The following CENPP variants were observed in gnomAD, a reference collection of about 807,000 sequenced individuals.
CENPP encodes the protein centromere protein P.
A neutral mutation model predicts 35.6 loss-of-function variants in CENPP; 24 were observed. The ratio of observed to expected loss-of-function variants is 0.67; its 90% CI spans 0.49 to 0.95. The LOEUF (loss-of-function observed/expected upper bound fraction) is 0.95, where lower values mean the gene tolerates loss of function less well. Among genes scored for constraint, CENPP ranks in the 40% least tolerant of loss-of-function variants. The pLI is 0.00. For synonymous variants in CENPP, 120 were observed against 125.5 expected, an observed-to-expected ratio of 0.96 and a Z score of 0.29; for missense variants, 332 against 345.3, an observed-to-expected ratio of 0.96 and a Z score of 0.31.
chr9:92,584,497 C>T (rs899196859), intron 5 of CENPP, among the ~76,000 whole-genome samples: 7 of 152,142 alleles, frequency 4.6e-5, no homozygotes, highest in African/African-American at 1.4e-4. Context: ...TACAGGTATG[C>T]GTCACCATGC....
At chr9:92,522,839 A>G (rs548855269) in intron 5 of CENPP, 25 of 1,608,472 alleles carry the variant, frequency 1.6e-5, no homozygotes, top group African/African-American at 1.3e-5. Context: ...ATAAGCAGAA[A>G]AAAACAAAAC....
intron 3 of CENPP, chr9:92,340,558 C>T (rs185919873): frequency 6.5e-6 from 1 of 152,876 alleles, no homozygotes; most frequent in Admixed American, 6.5e-5. Flanking sequence ...TGGCTGAAGC[C>T]ATGGCAGAAG....
chr9:92,591,243 C>A (rs1406577946), intron 5 of CENPP, among the ~76,000 whole-genome samples: 6 of 151,986 alleles, frequency 3.9e-5, no homozygotes, highest in Non-Finnish European at 8.8e-5. Flanking sequence ...AACGGTGAAA[C>A]CCCGCCTCTA....
At chr9:92,430,961 A>C (rs1039886505) in intron 5 of CENPP, among the ~76,000 whole-genome samples, 12 of 151,790 alleles carry the variant, frequency 7.9e-5, no homozygotes, top group African/African-American at 2.7e-4. Context: ...ACTCCCAGCT[A>C]ATTTTTGTAT....
chr9:92,489,129 ACAGT>A (rs1220776626), intron 5 of CENPP, among the ~76,000 whole-genome samples: 3 of 152,244 alleles, frequency 2.0e-5, no homozygotes, highest in Non-Finnish European at 4.4e-5. Context: ...AGCCGGGCTT[ACAGT>A]CTCGAATGCT....
At chr9:92,416,058 G>GTA (rs1554760078) in intron 5 of CENPP, among the ~76,000 whole-genome samples, 11,964 of 130,838 alleles carry the variant, frequency 0.091, 692 homozygotes, top group Middle Eastern at 0.14. Context: ...ATATATGTGT[G>GTA]TATATATATA....
rs1554688240 is a variant in CENPP at position 92,567,373 on chromosome 9, G to GATATATATATATATATATAGAT, written c.565-43922_565-43921insGATATATATATATATATATATA. Among the ~76,000 whole-genome samples the GATATATATATATATATATAGAT allele has an allele frequency of 3.9e-5, 5 of 129,086 alleles. No homozygotes were observed. In the East Asian group the frequency reaches 1.3e-3, roughly 33 times the overall value. The allele number at this position is 129,086 out of a possible 152,430, so 84.7% of individuals were successfully genotyped here. Reference sequence around the variant, plus strand: ...ATGGGGTATACAGTTACATAAGATAGATATATATATATATATATATATAGA... The same window carrying GATATATATATATATATATAGAT: ...ATGGGGTATACAGTTACATAAGATAGATATATATATATATATATAGATATATATATATATATATATATATAGA... On this transcript the variant is annotated intron_variant, in intron 5 of 7. Coordinates refer to ENST00000375587, the MANE Select transcript of CENPP (RefSeq NM_001012267.3).
chr9:92,575,721 A>G (rs1850265060), intron 5 of CENPP, among the ~76,000 whole-genome samples: 2 of 152,062 alleles, frequency 1.3e-5, no homozygotes, highest in Non-Finnish European at 2.9e-5. Flanking sequence ...TTGAGACAGG[A>G]GAATTGCGTG....
intron 5 of CENPP, among the ~76,000 whole-genome samples, chr9:92,390,770 C>T (rs1310701907): frequency 6.6e-6 from 1 of 152,160 alleles, no homozygotes; most frequent in Non-Finnish European, 1.5e-5. Flanking sequence ...CACACATTTC[C>T]ATCAACTATT....
chr9:92,494,534 T>C (rs1447233083), intron 5 of CENPP, among the ~76,000 whole-genome samples: 1 of 152,218 alleles, frequency 6.6e-6, no homozygotes, highest in Non-Finnish European at 1.5e-5. Context: ...AGTCTAACAG[T>C]TATCTTCATA....
rs545748225 is a variant in CENPP at position 92,513,595 on chromosome 9, A to T, written c.565-97719A>T. On this transcript the variant is annotated intron_variant, in intron 5 of 7. Coordinates refer to ENST00000375587, the MANE Select transcript of CENPP (RefSeq NM_001012267.3). ...CCCTGCCCCATCCACATGATGGAAC[A>T]CTACTTGGCAGAAGAGAGGAATGAA... Among the ~76,000 whole-genome samples the T allele has an allele frequency of 1.3e-3, 192 of 152,318 alleles. 1 individual carries two copies. Among genetic ancestry groups the T allele is most frequent in the Non-Finnish European group, 1.9e-3 (126 of 68,028 alleles).
intron 5 of CENPP, among the ~76,000 whole-genome samples, chr9:92,499,195 T>C (rs10992355): frequency 0.058 from 8,820 of 152,238 alleles, 918 homozygotes; most frequent in East Asian, 0.44. Flanking sequence ...ACTGCTTACA[T>C]GAAAGCCTAA....
intron 5 of CENPP, among the ~76,000 whole-genome samples, chr9:92,383,474 AAT>A (rs1241382144): frequency 1.3e-5 from 2 of 152,160 alleles, no homozygotes; most frequent in African/African-American, 2.4e-5. Context: ...TTTTTTCAGC[AAT>A]GTTAGTAAAA....
intron 5 of CENPP, among the ~76,000 whole-genome samples, chr9:92,392,617 G>A (rs1351225865): frequency 6.6e-6 from 1 of 151,198 alleles, no homozygotes; most frequent in Non-Finnish European, 1.5e-5. Flanking sequence ...TCCATGTCGG[G>A]TTGGGGGGAG....
intron 5 of CENPP, chr9:92,416,891 C>G (rs1843630788): frequency 6.2e-7 from 1 of 1,613,884 alleles, no homozygotes; most frequent in Admixed American, 1.7e-5. Context: ...TGATTCTAAT[C>G]TGTTACTGCA....
chr9:92,355,150 A>G (rs765456475), intron 4 of CENPP, among the ~76,000 whole-genome samples: 6 of 152,176 alleles, frequency 3.9e-5, no homozygotes, highest in Admixed American at 1.3e-4. Context: ...TCTGGCCACA[A>G]ATTTACCAGG....
intron 3 of CENPP, among the ~76,000 whole-genome samples, chr9:92,342,742 C>G (rs1841161903): frequency 6.6e-6 from 1 of 152,164 alleles, no homozygotes; most frequent in Non-Finnish European, 1.5e-5. Flanking sequence ...CTCTTTATTG[C>G]TTACAATTCT....
intron 5 of CENPP, chr9:92,496,476 G>T (rs780853077): frequency 1.2e-6 from 2 of 1,608,468 alleles, no homozygotes; most frequent in South Asian, 1.1e-5. Context: ...TCTTCTGGAA[G>T]AATGTTCCTA....
At chr9:92,606,223 C>T (rs964602545) in intron 5 of CENPP, among the ~76,000 whole-genome samples, 2 of 152,100 alleles carry the variant, frequency 1.3e-5, no homozygotes, top group Non-Finnish European at 2.9e-5. Context: ...GAATGCACCA[C>T]CACACTCCAG....
Sources: gnomAD v4.1 joint callset for allele counts (sites outside exome capture counted in the v4.1 genomes callset) on GRCh38, gnomAD v4.1.1 for gene constraint, MANE v1.5 for transcripts, NCBI Gene and HGNC (gene_info 2026-07-23, HGNC 2026-07-21) for gene names.